Variants in RAB3B observed in about 807,000 individuals in gnomAD.
The protein encoded by RAB3B is ras-related protein Rab-3B.
A neutral mutation model predicts 20.5 loss-of-function variants in RAB3B; 11 were observed. The observed-to-expected ratio is 0.54, with a 90% CI of 0.34 to 0.89. The LOEUF (loss-of-function observed/expected upper bound fraction) is 0.89, where lower values mean the gene tolerates loss of function less well. RAB3B is among the 40% of genes least tolerant of loss of function. RAB3B has a pLI of 0.02. For missense variants in RAB3B, 225 were observed against 280.9 expected, an observed-to-expected ratio of 0.80 and a Z score of 1.42; for synonymous variants, 99 against 106.3, an observed-to-expected ratio of 0.93 and a Z score of 0.42.
At chr1:51,962,359 C>A (rs1264011322) in intron 2 of RAB3B, among the ~76,000 whole-genome samples, 1 of 152,102 alleles carries the variant, frequency 6.6e-6, no homozygotes, top group East Asian at 1.9e-4. Context: ...CTGTTCATTG[C>A]CACAATTATT....
chr1:51,931,825 G>A (rs1684330996), intron 4 of RAB3B, among the ~76,000 whole-genome samples: 1 of 152,094 alleles, frequency 6.6e-6, no homozygotes, highest in Non-Finnish European at 1.5e-5. Context: ...GCTGGATGAG[G>A]GTAGAAGATG....
chr1:51,937,491 T>C, intron 2 of RAB3B, 79 bp from the exon 3 acceptor site: 1 of 955,828 alleles, frequency 1.0e-6, no homozygotes. Context: ...AATTAACTAA[T>C]AACCCAAGAC....
intron 4 of RAB3B, among the ~76,000 whole-genome samples, chr1:51,931,519 A>G (rs1684323226): frequency 6.6e-6 from 1 of 152,188 alleles, no homozygotes; most frequent in African/African-American, 2.4e-5. Context: ...AATAAAATGA[A>G]GTACCCAAAT....
chr1:51,951,161 T>A (rs2124276245), intron 2 of RAB3B, among the ~76,000 whole-genome samples: 1 of 152,148 alleles, frequency 6.6e-6, no homozygotes, highest in East Asian at 1.9e-4. Flanking sequence ...AATTTCAACT[T>A]TTGTTTTAGG....
chr1:51,946,623 GCAGA>G (rs1187060841), intron 2 of RAB3B, among the ~76,000 whole-genome samples: 1 of 152,174 alleles, frequency 6.6e-6, no homozygotes, highest in Non-Finnish European at 1.5e-5. Flanking sequence ...GCTCAGTGTG[GCAGA>G]CAGACATGTG....
Position 51,937,398 on chromosome 1 carries a change from C to A in RAB3B, c.243G>T (p.Gln81His). The A allele has an allele frequency of 6.3e-7, 1 of 1,599,952 alleles. No individual in the cohort carries two copies. The highest frequency in any genetic ancestry group is 8.5e-7 in the Non-Finnish European group (1 of 1,175,098). The change falls in exon 3 of 5, where the codon CAG becomes CAT. Residue 81 changes from glutamine (Q) to histidine (H), a missense_variant. Physicochemically the swap from Gln to His is conservative, Grantham distance 24. Transcript: ENST00000371655. ...VKLQIWDTAG[Q>H]ERYRTITTAY... ...CTGTTGTGATGGTCCGGTACCGCTCCTGCCCAGCTGTGTCCTGGGCAGGAA... is the reference window on the plus strand; with the variant it reads ...CTGTTGTGATGGTCCGGTACCGCTCATGCCCAGCTGTGTCCTGGGCAGGAA...
At chr1:51,947,331 G>A (rs1287535754) in intron 2 of RAB3B, among the ~76,000 whole-genome samples, 3 of 151,858 alleles carry the variant, frequency 2.0e-5, no homozygotes, top group African/African-American at 7.3e-5. Context: ...AGGAGGTGGA[G>A]GTTGCAGTGA....
intron 4 of RAB3B, among the ~76,000 whole-genome samples, chr1:51,928,844 C>T (rs1684283304): frequency 6.6e-6 from 1 of 152,208 alleles, no homozygotes; most frequent in South Asian, 2.1e-4. Context: ...CTACACTCTA[C>T]TCTTTGCCTG....
At chr1:51,961,716 T>A (rs1182738976) in intron 2 of RAB3B, among the ~76,000 whole-genome samples, 4 of 152,142 alleles carry the variant, frequency 2.6e-5, no homozygotes. Flanking sequence ...TATGTGAAGA[T>A]ATAACAAGGG....
At position 51,911,395 on chromosome 1, in the gene RAB3B, T is replaced by C. The variant is rs1173275729; in HGVS notation, c.*8532A>G. 6.7e-6 allele frequency: 1 copy of C among 149,050 alleles called. No individual in the cohort carries two copies. Among genetic ancestry groups the C allele is most frequent in the Non-Finnish European group, 1.5e-5 (1 of 67,618 alleles). The allele number at this position is 149,050 out of a possible 1,614,324, so 9.2% of individuals were successfully genotyped here. ...CCCAGGTTTTTTTTGTTTGTTTTTG[T>C]TTGTTTGTTTGTTTGTTTTAGAATT... is the stretch of plus-strand genomic sequence containing the variant. On this transcript the variant is annotated 3_prime_UTR_variant, in exon 5 of 5. Transcript: ENST00000371655.
At chr1:51,949,559 A>G (rs1402346268) in intron 2 of RAB3B, among the ~76,000 whole-genome samples, 1 of 152,214 alleles carries the variant, frequency 6.6e-6, no homozygotes, top group African/African-American at 2.4e-5. Flanking sequence ...GAGTGCTGAC[A>G]TGAGAGCAGG....
At chr1:51,976,621 T>A (rs1274780776) in intron 2 of RAB3B, among the ~76,000 whole-genome samples, 1 of 152,190 alleles carries the variant, frequency 6.6e-6, no homozygotes, top group Non-Finnish European at 1.5e-5. Context: ...CCCAAGTCTC[T>A]AACTCCAAGC....
rs926884803 is a variant in RAB3B, at chr1:51,943,394, TAAC to T, written c.229-5985_229-5983del. 5.6e-3 allele frequency among the ~76,000 whole-genome samples: 280 copies of T among 50,116 alleles called. 2 individuals carry two copies. The highest frequency in any genetic ancestry group is 0.013 in the East Asian group (9 of 700). 32.9% of individuals were successfully genotyped at this position (50,116 alleles called of 152,430 possible). A position where few individuals can be genotyped will look rare whatever the true frequency, so the allele number is the denominator to read the frequency against. Reference sequence around the variant, plus strand: ...GCAAGACTCCATCTCAAAATAATAATAACAACAACAACAACAACAACAACAACA... The same window carrying T: ...GCAAGACTCCATCTCAAAATAATAATAACAACAACAACAACAACAACAACA... On this transcript the variant is annotated intron_variant, in intron 2 of 4. Transcript: ENST00000371655.
intron 4 of RAB3B, among the ~76,000 whole-genome samples, chr1:51,924,511 G>T (rs1684217353): frequency 6.6e-6 from 1 of 152,186 alleles, no homozygotes. Context: ...GCACAGATAA[G>T]GGGGCAAAAT....
At chr1:51,955,010 C>T (rs766030299) in intron 2 of RAB3B, among the ~76,000 whole-genome samples, 1 of 152,172 alleles carries the variant, frequency 6.6e-6, no homozygotes, top group Non-Finnish European at 1.5e-5. Context: ...GCCTATCACC[C>T]GGAAGACATT....
rs1684010250 is a variant in RAB3B at position 51,912,272 on chromosome 1, AT to A, written c.*7654del. 1 of 151,076 alleles carries A rather than the reference AT, an allele frequency of 6.6e-6. No individual in the cohort carries two copies. The highest frequency in any genetic ancestry group is 2.4e-5 in the African/African-American group (1 of 41,138). The allele number at this position is 151,076 out of a possible 1,614,324, so 9.4% of individuals were successfully genotyped here. A position where few individuals can be genotyped will look rare whatever the true frequency, so the allele number is the denominator to read the frequency against. On this transcript the variant is annotated 3_prime_UTR_variant, in exon 5 of 5. Transcript: ENST00000371655. The stretch of plus-strand genomic sequence containing the variant: ...CTCAGCCTCCCAAGTAGCTGGGACT[AT>A]AGGTGCAGGCTACTTTGCCCAGTTA...
At position 51,915,347 on chromosome 1, in the gene RAB3B, G is replaced by A. The variant is rs1684068397; in HGVS notation, c.*4580C>T. The A allele has an allele frequency of 6.6e-6, 1 of 152,178 alleles. No individual in the cohort carries two copies. The highest frequency in any genetic ancestry group is 2.4e-5 in the African/African-American group (1 of 41,502). 9.4% of individuals were successfully genotyped at this position (152,178 alleles called of 1,614,324 possible). On this transcript the variant is annotated 3_prime_UTR_variant, in exon 5 of 5. Transcript: ENST00000371655. ...CTTCTTAGAGGTGATCCAGGACCTA[G>A]TCCTGGCTCCATCACTGTGATACTC...
Position 51,936,275 on chromosome 1 carries a change from C to G in RAB3B, c.347+1019G>C, listed in dbSNP as rs112027861. ...GTCCTTCCCCTCAGGCTCCCTTCTCCTGGGAATCGTGCCCCAGGAAGAAAG... is the reference window on the plus strand; with the variant it reads ...GTCCTTCCCCTCAGGCTCCCTTCTCGTGGGAATCGTGCCCCAGGAAGAAAG... On this transcript the variant is annotated intron_variant, in intron 3 of 4. Coordinates refer to ENST00000371655, the MANE Select transcript of RAB3B (RefSeq NM_002867.4). Among the ~76,000 whole-genome samples, 1,093 of 152,290 alleles carry G rather than the reference C, an allele frequency of 7.2e-3. 7 individuals are homozygous for G. The highest frequency in any genetic ancestry group is 0.029 in the South Asian group (138 of 4,814).
intron 2 of RAB3B, among the ~76,000 whole-genome samples, chr1:51,959,761 T>C (rs1684761303): frequency 6.6e-6 from 1 of 152,218 alleles, no homozygotes; most frequent in Admixed American, 6.5e-5. Context: ...ATATCGATAT[T>C]GGTTAATTAT....
Sources: gnomAD v4.1 joint callset for allele counts (sites outside exome capture counted in the v4.1 genomes callset) on GRCh38, gnomAD v4.1.1 for gene constraint, MANE v1.5 for transcripts, NCBI Gene and HGNC (gene_info 2026-07-23, HGNC 2026-07-21) for gene names.